Variants in LRIG1 observed in about 807,000 individuals in gnomAD.
LRIG1 encodes leucine-rich repeats and immunoglobulin-like domains protein 1.
A neutral mutation model predicts 99.2 loss-of-function variants in LRIG1; 48 were observed. The ratio of observed to expected loss-of-function variants is 0.48; its 90% CI spans 0.38 to 0.62. LRIG1 has a LOEUF of 0.62. Among genes scored for constraint, LRIG1 ranks in the 20% least tolerant of loss-of-function variants. LRIG1 has a pLI of 0.00. For missense variants in LRIG1, 1,646 were observed against 1,434.4 expected (o/e 1.15, Z -2.38); for synonymous variants, 772 against 596.1 (o/e 1.29, Z -4.30).
At chr3:66,438,449 C>T (rs1035333516) in intron 3 of LRIG1, among the ~76,000 whole-genome samples, 1 of 152,144 alleles carries the variant, frequency 6.6e-6, no homozygotes, top group African/African-American at 2.4e-5. Flanking sequence ...TGATACTGAA[C>T]CAGCCCCTCT....
In LRIG1 at chr3:66,384,120, T is replaced by C. The variant is rs1163470521; in HGVS notation, c.1942A>G (p.Met648Val). 1.2e-6 allele frequency: 2 copies of C among 1,614,222 alleles called. No individual in the cohort carries two copies. Among genetic ancestry groups the C allele is most frequent in the Admixed American group, 1.7e-5 (1 of 60,032 alleles). ...TDFPAARERRMHVMPDDDVFF... is the reference protein window; with the variant it reads ...TDFPAARERRVHVMPDDDVFF... ...ACGTCGTCATCCGGCATGACATGCA[T>C]GCGTCGCTCACGGGCAGCGGGGAAA... is the stretch of plus-strand genomic sequence containing the variant. Residue 648 changes from methionine to valine, a missense_variant, in exon 14 of 19, where the codon ATG (methionine) becomes GTG (valine). Met to Val is a conservative substitution (Grantham distance 21, BLOSUM62 1). Transcript: ENST00000273261.
At chr3:66,436,043 C>T (rs1289877903) in intron 3 of LRIG1, among the ~76,000 whole-genome samples, 2 of 152,184 alleles carry the variant, frequency 1.3e-5, no homozygotes, top group Non-Finnish European at 2.9e-5. Flanking sequence ...TAGGGATATG[C>T]ATGAACTGTT....
intron 1 of LRIG1, among the ~76,000 whole-genome samples, chr3:66,470,946 C>A (rs62243261): frequency 0.013 from 2,012 of 152,286 alleles, 14 homozygotes; most frequent in African/African-American, 0.017. Flanking sequence ...CCACAAATTT[C>A]CCATAATAGT....
chr3:66,402,937 T>C (rs1269768804), intron 9 of LRIG1, among the ~76,000 whole-genome samples: 1 of 152,164 alleles, frequency 6.6e-6, no homozygotes, highest in Non-Finnish European at 1.5e-5. Flanking sequence ...TGTCCCTCCC[T>C]TCATTCAACA....
chr3:66,448,391 G>A (rs1376375957), intron 3 of LRIG1, among the ~76,000 whole-genome samples: 2 of 152,142 alleles, frequency 1.3e-5, no homozygotes, highest in African/African-American at 4.8e-5. Context: ...ATAATTATAG[G>A]TGTCCAAGCT....
chr3:66,500,215 C>A lies in LRIG1; in HGVS notation c.193G>T (p.Asp65Tyr). Reference sequence around the variant, plus strand: ...AGGCTCCGCGTCCAGGAGGGCAGGTCCCCGGGCAACGCAGCCAGCCCGCGC... The same window carrying A: ...AGGCTCCGCGTCCAGGAGGGCAGGTACCCGGGCAACGCAGCCAGCCCGCGC... Reference protein sequence around the residue: ...GGRGLAALPGDLPSWTRSLNL... With the variant: ...GGRGLAALPGYLPSWTRSLNL... Residue 65 changes from aspartate (D) to tyrosine (Y), a missense_variant, in exon 1 of 19, where the codon GAC becomes TAC. Asp to Tyr is a radical substitution (Grantham distance 160). Coordinates refer to ENST00000273261, the MANE Select transcript of LRIG1 (RefSeq NM_015541.3). The A allele has an allele frequency of 3.3e-6, 5 of 1,514,438 alleles. No individual in the cohort carries two copies. Among genetic ancestry groups the A allele is most frequent in the Non-Finnish European group, 8.8e-7 (1 of 1,137,934 alleles). 93.8% of individuals were successfully genotyped at this position (1,514,438 alleles called of 1,614,324 possible). A position where few individuals can be genotyped will look rare whatever the true frequency, so the allele number is the denominator to read the frequency against.
intron 3 of LRIG1, among the ~76,000 whole-genome samples, chr3:66,431,482 A>G (rs1703170302): frequency 6.6e-6 from 1 of 152,190 alleles, no homozygotes; most frequent in Non-Finnish European, 1.5e-5. Context: ...TCTTCCAAAG[A>G]AGGCTCCGCC....
chr3:66,475,847 G>A (rs948217512), intron 1 of LRIG1, among the ~76,000 whole-genome samples: 2 of 152,186 alleles, frequency 1.3e-5, no homozygotes, highest in African/African-American at 4.8e-5. Context: ...CACTACTAGT[G>A]TCAATATTTA....
chr3:66,472,334 C>G (rs1219707646), intron 1 of LRIG1, among the ~76,000 whole-genome samples: 1 of 108,628 alleles, frequency 9.2e-6, no homozygotes, highest in Admixed American at 1.1e-4. Context: ...AAAAAAAAAA[C>G]ACTAACTTCG....
chr3:66,421,004 G>A (rs1242061460), intron 3 of LRIG1, among the ~76,000 whole-genome samples: 1 of 152,164 alleles, frequency 6.6e-6, no homozygotes, highest in Non-Finnish European at 1.5e-5. Flanking sequence ...CTTGTGCAGG[G>A]AAACTCCTGT....
intron 7 of LRIG1, among the ~76,000 whole-genome samples, chr3:66,408,007 C>T (rs545149581): frequency 7.2e-5 from 11 of 152,202 alleles, no homozygotes; most frequent in Admixed American, 7.2e-4. Context: ...GGGCAACTCC[C>T]CCAGGGCAGG....
intron 3 of LRIG1, among the ~76,000 whole-genome samples, chr3:66,443,862 C>A (rs1703628775): frequency 6.6e-6 from 1 of 152,190 alleles, no homozygotes; most frequent in Non-Finnish European, 1.5e-5. Context: ...CACTGTTGAC[C>A]TGACCACAGT....
chr3:66,472,680 G>A (rs1294686368), intron 1 of LRIG1, among the ~76,000 whole-genome samples: 14 of 152,140 alleles, frequency 9.2e-5, no homozygotes, highest in Non-Finnish European at 4.4e-5. Context: ...ATTTCACTGG[G>A]ATAAAGTGAT....
chr3:66,426,124 G>A (rs1233816408), intron 3 of LRIG1, among the ~76,000 whole-genome samples: 1 of 152,112 alleles, frequency 6.6e-6, no homozygotes, highest in African/African-American at 2.4e-5. Flanking sequence ...GGTCAAGTGG[G>A]TAATTTCTGA....
intron 1 of LRIG1, among the ~76,000 whole-genome samples, chr3:66,467,245 A>G (rs1209480001): frequency 6.6e-6 from 1 of 152,014 alleles, no homozygotes; most frequent in African/African-American, 2.4e-5. Context: ...AATCCCCACC[A>G]CTATCTAAAT....
chr3:66,465,019 G>C (rs912533478), intron 1 of LRIG1, among the ~76,000 whole-genome samples: 2 of 152,088 alleles, frequency 1.3e-5, no homozygotes, highest in South Asian at 4.1e-4. Context: ...AAGTTTTCAC[G>C]GGGTCAGCTG....
rs1007958035 is a variant in LRIG1, at chr3:66,497,589, T to C, written c.218+2601A>G. On this transcript the variant is annotated intron_variant, in intron 1 of 18. Transcript: ENST00000273261. ...TCCTCAGGCCCCAAAAATGAACCGA[T>C]TATCATTATCCATTCTGTTTCTTCT... Among the ~76,000 whole-genome samples the C allele has an allele frequency of 1.2e-4, 18 of 151,418 alleles. 1 individual carries two copies. Among genetic ancestry groups the C allele is most frequent in the Non-Finnish European group, 4.4e-5 (3 of 67,954 alleles).
In LRIG1 at chr3:66,444,512, G is replaced by A. The variant is rs75836468; in HGVS notation, c.365+7047C>T. Among the ~76,000 whole-genome samples, 955 of 152,304 alleles carry A rather than the reference G, an allele frequency of 6.3e-3. 10 individuals carry two copies. Among genetic ancestry groups the A allele is most frequent in the African/African-American group, 0.021 (876 of 41,560 alleles). Reference sequence around the variant, plus strand: ...AGGCCTAAACAGCTTGGTCAGAACCGACACATGAGCCTTGGGGCTCCCCCC... The same window carrying A: ...AGGCCTAAACAGCTTGGTCAGAACCAACACATGAGCCTTGGGGCTCCCCCC... On this transcript the variant is annotated intron_variant, in intron 3 of 18. Transcript: ENST00000273261.
rs1371804019 is a variant in LRIG1 at position 66,382,284 on chromosome 3, A to G, written c.2606T>C (p.Ile869Thr). 1.9e-6 allele frequency: 3 copies of G among 1,614,132 alleles called. No homozygotes were observed. Among genetic ancestry groups the G allele is most frequent in the Middle Eastern group, 1.6e-4 (1 of 6,062 alleles). Residue 869 changes from isoleucine to threonine, a missense_variant, in exon 16 of 19, where the codon ATT becomes ACT. By Grantham distance (89) the Ile-to-Thr change is moderately conservative. Coordinates refer to ENST00000273261, the MANE Select transcript of LRIG1 (RefSeq NM_015541.3). ...TACTGAGGCCTTACCATTGCTCTCA[A>G]TGTGCCCATTGGCCTGAGGGCCACC... ...TEGGPQANGH[I>T]ESNGVCPRDA...
Sources: gnomAD v4.1 joint callset for allele counts (sites outside exome capture counted in the v4.1 genomes callset) on GRCh38, gnomAD v4.1.1 for gene constraint, MANE v1.5 for transcripts, NCBI Gene and HGNC (gene_info 2026-07-23, HGNC 2026-07-21) for gene names.